GNAS: variants seen among roughly 807,000 people sequenced by gnomAD.
GNAS encodes GNAS complex locus.
In GNAS, 8 loss-of-function variants were observed where a neutral mutation model predicts 54.5. The observed-to-expected ratio is 0.15, with a 90% confidence interval of 0.09 to 0.26. The LOEUF (loss-of-function observed/expected upper bound fraction) is 0.26. Among genes scored for constraint, GNAS ranks in the 10% least tolerant of loss-of-function variants. GNAS has a pLI of 1.00. For synonymous variants in GNAS, 204 were observed against 191.4 expected (o/e 1.07, Z -0.54); for missense variants, 170 against 529.8 (o/e 0.32, Z 6.67).
intron 5 of GNAS, 44 bp downstream of exon 5, chr20:58,903,835 G>T: frequency 1.2e-6 from 2 of 1,611,118 alleles, no homozygotes; most frequent in South Asian, 2.2e-5. Context: ...CCGCCCACCT[G>T]AGCACAGTGT....
chr20:58,850,386 C>T (rs912702096), intron 1 of GNAS: 37 of 396,918 alleles, frequency 9.3e-5, no homozygotes, highest in Non-Finnish European at 1.4e-4. Context: ...CCCACAGACC[C>T]ATGAGGGTGT....
At chr20:58,896,552 C>G (rs953464863) in intron 2 of GNAS, among the ~76,000 whole-genome samples, 1 of 151,766 alleles carries the variant, frequency 6.6e-6, no homozygotes, top group Non-Finnish European at 1.5e-5. Context: ...TTCAATAAAT[C>G]GGGGAACTTG....
Position 58,873,248 on chromosome 20 carries a change from A to G in GNAS, c.44-22364A>G, listed in dbSNP as rs1267574351. Among the ~76,000 whole-genome samples the G allele has an allele frequency of 6.6e-6, 1 of 152,168 alleles. No individual in the cohort carries two copies. Among genetic ancestry groups the G allele is most frequent in the African/African-American group, 2.4e-5 (1 of 41,460 alleles). ...CCTTCTGTGACATTTTGGAATTGTC[A>G]GGGAGTTAGGGGTCACGGTGGTTCT... On this transcript the variant is annotated intron_variant, in intron 1 of 12. Transcript: ENST00000306090. The surrounding 1 kb of genome is among the most constrained non-coding windows in gnomAD (Gnocchi z 4.3).
intron 1 of GNAS, among the ~76,000 whole-genome samples, chr20:58,880,752 T>G (rs969807423): frequency 6.6e-6 from 1 of 152,166 alleles, no homozygotes; most frequent in African/African-American, 2.4e-5. Context: ...ATTATCCATC[T>G]ATTTTTTTTT....
upstream of GNAS, among the ~76,000 whole-genome samples, chr20:58,891,005 G>A (rs2089184181): frequency 6.6e-6 from 1 of 151,228 alleles, no homozygotes; most frequent in Non-Finnish European, 1.5e-5. Flanking sequence ...GGGGGAGGAG[G>A]CCTCGGGGGC....
intron 1 of GNAS, among the ~76,000 whole-genome samples, chr20:58,852,520 G>C (rs1206809025): frequency 6.6e-6 from 1 of 152,132 alleles, no homozygotes; most frequent in Non-Finnish European, 1.5e-5. Context: ...CTGGAGGCTG[G>C]GGGCTATGAC....
Position 58,841,988 on chromosome 20 carries a change from T to A in GNAS, c.43+1102T>A. The A allele has an allele frequency of 1.0e-6, 1 of 975,652 alleles. No homozygotes were observed. The highest frequency in any genetic ancestry group is 1.3e-6 in the Non-Finnish European group (1 of 753,806). The allele number at this position is 975,652 out of a possible 1,614,324, so 60.4% of individuals were successfully genotyped here. ...CGCAGAGCTGGGGAAAGGTGTTGGA[T>A]CCGGCGCCAGTCCTTGGACGATCAG... On this transcript the variant is annotated intron_variant, in intron 1 of 12. Transcript: ENST00000306090. This position sits in a 1 kb window ranked among gnomAD's most constrained non-coding sequence, Gnocchi z 5.0.
chr20:58,865,232 C>T (rs994361686), intron 1 of GNAS, among the ~76,000 whole-genome samples: 10 of 151,788 alleles, frequency 6.6e-5, no homozygotes, highest in Admixed American at 1.3e-4. Context: ...AGCCTGGCCA[C>T]GTGGTGAAAC....
chr20:58,881,267 A>G (rs573067710), intron 1 of GNAS, among the ~76,000 whole-genome samples: 1 of 152,278 alleles, frequency 6.6e-6, no homozygotes, highest in South Asian at 2.1e-4. Flanking sequence ...GATGCCTCCA[A>G]TGGTTATGAG....
Position 58,853,387 on chromosome 20 carries a change from C to A in GNAS, c.43+12501C>A. ...GCCCCAGGGGCAGCTGCCCCCGGTG[C>A]TGGGCCTAGCCCAGCCGAAGAGATG... On this transcript the variant is annotated intron_variant, in intron 1 of 12. Transcript: ENST00000306090. The surrounding 1 kb of genome is among the most constrained non-coding windows in gnomAD (Gnocchi z 4.4). 1 of 1,562,318 alleles carries A rather than the reference C, an allele frequency of 6.4e-7. No individual in the cohort carries two copies. The highest frequency in any genetic ancestry group is 8.7e-7 in the Non-Finnish European group (1 of 1,153,872).
At chr20:58,889,061 G>C (rs1321789645), upstream of GNAS, 12 of 1,014,240 alleles carry the variant, frequency 1.2e-5, no homozygotes, top group African/African-American at 2.1e-4. Context: ...GTCCCCGGTG[G>C]GCCGATTTTT....
chr20:58,910,217 A>T lies in GNAS; in HGVS notation c.971-117A>T. 8.0e-7 allele frequency: 1 copy of T among 1,254,178 alleles called. No homozygotes were observed. The highest frequency in any genetic ancestry group is 1.2e-6 in the Non-Finnish European group (1 of 851,812). 77.7% of individuals were successfully genotyped at this position (1,254,178 alleles called of 1,614,324 possible). A position where few individuals can be genotyped will look rare whatever the true frequency, so the allele number is the denominator to read the frequency against. ...AGAGAAGCAAGAAAAACGCACTCCC[A>T]CTAATTCTCATATGGAAAAATCAGG... is the stretch of plus-strand genomic sequence containing the variant. On this transcript the variant is annotated intron_variant, in intron 11 of 12. Coordinates refer to ENST00000371085, the MANE Select transcript of GNAS (RefSeq NM_000516.7). This position sits in a 1 kb window ranked among gnomAD's most constrained non-coding sequence, Gnocchi z 5.8.
chr20:58,907,556 C>T (rs1160821630), intron 6 of GNAS, among the ~76,000 whole-genome samples: 2 of 152,202 alleles, frequency 1.3e-5, no homozygotes, highest in Non-Finnish European at 2.9e-5. Flanking sequence ...GACCCAGTTT[C>T]GTTAATTAAC....
chr20:58,855,057 C>A (rs1048901957), intron 1 of GNAS: 2 of 1,613,046 alleles, frequency 1.2e-6, no homozygotes, highest in East Asian at 2.2e-5. Flanking sequence ...TCGGCGAAAT[C>A]GCCGCCGCCG....
Position 58,905,493 on chromosome 20 carries a change from C to T in GNAS, c.530+13C>T. On this transcript the variant is annotated intron_variant, in intron 6 of 12. Transcript: ENST00000371085. The stretch of plus-strand genomic sequence containing the variant: ...ACTGTGCCCAGTAGTAAGTAACCGC[C>T]ACCCAACCCATCAGCACATAAAACA... 1 of 1,344,034 alleles carries T rather than the reference C, an allele frequency of 7.4e-7. No homozygotes were observed. The highest frequency in any genetic ancestry group is 1.1e-6 in the Non-Finnish European group (1 of 932,998). The allele number at this position is 1,344,034 out of a possible 1,614,324, so 83.3% of individuals were successfully genotyped here. A position where few individuals can be genotyped will look rare whatever the true frequency, so the allele number is the denominator to read the frequency against.
At chr20:58,892,744 A>G (rs554245412) in intron 1 of GNAS, among the ~76,000 whole-genome samples, 1 of 152,076 alleles carries the variant, frequency 6.6e-6, no homozygotes, top group Admixed American at 6.5e-5. Flanking sequence ...CAAAAAATGG[A>G]TAGAGTTAGT....
At chr20:58,907,362 A>T (rs1190590835) in intron 6 of GNAS, among the ~76,000 whole-genome samples, 7 of 152,176 alleles carry the variant, frequency 4.6e-5, no homozygotes, top group Non-Finnish European at 1.0e-4. Context: ...CTTCTTCAAC[A>T]AAGTCCCTGA....
chr20:58,840,122 C>A (rs1313255145), upstream of GNAS: 1 of 1,611,306 alleles, frequency 6.2e-7, no homozygotes, highest in East Asian at 2.2e-5. The surrounding 1 kb of genome is among the most constrained non-coding windows in gnomAD (Gnocchi z 6.0). Context: ...TCGGAGGTCC[C>A]GGGCTCAGCA....
At chr20:58,851,008 G>C (rs902054683) in intron 1 of GNAS, 3 of 398,068 alleles carry the variant, frequency 7.5e-6, no homozygotes, top group African/African-American at 4.1e-5. Flanking sequence ...CCGGCGCTGG[G>C]GTCGGAGGGG....
Sources: gnomAD v4.1 joint callset for allele counts (sites outside exome capture counted in the v4.1 genomes callset) on GRCh38, gnomAD v4.1.1 for gene constraint, Gnocchi (gnomAD v3.1) non-coding constraint, MANE v1.5 for transcripts, NCBI Gene and HGNC (gene_info 2026-07-23, HGNC 2026-07-21) for gene names.